ZNF177: variants seen among roughly 807,000 people sequenced by gnomAD.
ZNF177 encodes zinc finger protein 177.
ZNF177 carries 17 observed loss-of-function variants against 19.4 expected under a neutral mutation model. The ratio of observed to expected loss-of-function variants is 0.87; its 90% CI spans 0.60 to 1.31. The LOEUF (loss-of-function observed/expected upper bound fraction) is 1.31, where lower values mean the gene tolerates loss of function less well. ZNF177 is among the 40% of genes most tolerant of loss of function. The probability of loss-of-function intolerance (pLI) is 0.00; values close to 1 mark genes in which losing one functional copy is unlikely to be tolerated. For synonymous variants in ZNF177, 220 were observed against 188.7 expected (o/e 1.17, Z -1.36); for missense variants, 633 against 561.8 (o/e 1.13, Z -1.28).
At chr19:9,378,414 G>T in intron 2 of ZNF177, 70 bp downstream of exon 4, 1 of 1,597,130 alleles carries the variant, frequency 6.3e-7, no homozygotes, top group South Asian at 1.1e-5. Context: ...TCTTGCCCCT[G>T]ACCTGAAGCT....
At chr19:9,376,164 G>A (rs373528383), upstream of ZNF177, among the ~76,000 whole-genome samples, 1 of 151,940 alleles carries the variant, frequency 6.6e-6, no homozygotes, top group Non-Finnish European at 1.5e-5. Context: ...AAGGAGATAG[G>A]GTCTCTGTCA....
chr19:9,378,316 C>T (rs1438499152), exon 2 of ZNF177: 2 of 1,613,702 alleles, frequency 1.2e-6, no homozygotes, highest in Non-Finnish European at 8.5e-7. Context: ...GGAAGAATGG[C>T]TGCAGGGTGG....
At position 9,376,844 on chromosome 19, in the gene ZNF177, G is replaced by A. The variant is rs78082869; in HGVS notation, c.-54+421G>A. ...ACAGTATTAGGGTAATCTGGATTGA[G>A]TATATAATTACCTTTACCCCAGTGG... is the stretch of plus-strand genomic sequence containing the variant. On this transcript the variant is annotated intron_variant, in intron 1 of 5. Transcript: ENST00000589262. 5.6e-3 allele frequency among the ~76,000 whole-genome samples: 859 copies of A among 152,196 alleles called. 5 individuals are homozygous for A. The highest frequency in any genetic ancestry group is 0.01 in the Admixed American group (160 of 15,284).
intron 3 of ZNF177, chr19:9,379,303 C>CTCA: frequency 9.3e-7 from 1 of 1,076,726 alleles, no homozygotes; most frequent in Non-Finnish European, 1.3e-6. Context: ...CAATCTGTGT[C>CTCA]TCATCTTGTG....
chr19:9,378,829 G>T, intron 2 of ZNF177, 133 bp from the exon 5 acceptor site: 1 of 1,332,608 alleles, frequency 7.5e-7, no homozygotes, highest in Non-Finnish European at 9.9e-7. Context: ...ATTAAGAGAA[G>T]GCCTCTGATG....
chr19:9,370,904 AC>A lies in ZNF177; in HGVS notation c.-304-704del, dbSNP rs1401724187. Among the ~76,000 whole-genome samples, 10 of 152,200 alleles carry A rather than the reference AC, an allele frequency of 6.6e-5. No homozygotes were observed. In the East Asian group the frequency reaches 1.7e-3, roughly 26 times the overall value. ...TCCTTAACACCCAGCTTTGACAGTTACCAATATTTTGCACATCTTGCATCAT... is the reference window on the plus strand; with the variant it reads ...TCCTTAACACCCAGCTTTGACAGTTACAATATTTTGCACATCTTGCATCAT... On this transcript the variant is annotated intron_variant, in intron 2 of 8. Transcript: ENST00000343499.
intron 2 of ZNF177, among the ~76,000 whole-genome samples, chr19:9,369,219 A>G (rs2068017659): frequency 6.6e-6 from 1 of 151,994 alleles, no homozygotes; most frequent in African/African-American, 2.4e-5. Context: ...TTTTCATATG[A>G]TCTTTCTATT....
chr19:9,376,663 A>C (rs1266473334), intron 1 of ZNF177, among the ~76,000 whole-genome samples: 1 of 152,212 alleles, frequency 6.6e-6, no homozygotes, highest in Non-Finnish European at 1.5e-5. Flanking sequence ...TTGATTGCAT[A>C]CAAACAATTT....
intron 1 of ZNF177, among the ~76,000 whole-genome samples, chr19:9,377,393 AAAAC>A (rs149599368): frequency 1.3e-5 from 2 of 152,232 alleles, no homozygotes; most frequent in East Asian, 3.9e-4. Context: ...AGTTAACTCA[AAAAC>A]AAGCCTCAAG....
rs568677805 is a variant in ZNF177 at position 9,366,990 on chromosome 19, A to T, written c.-305+2042A>T. Among the ~76,000 whole-genome samples the T allele has an allele frequency of 4.5e-4, 68 of 152,350 alleles. No individual in the cohort carries two copies. In the South Asian group the frequency reaches 0.014, roughly 31 times the overall value. ...CCTTTTTATCTTTAGAAAAATGTAC[A>T]TTCAGATCATTTGCCCATCTTTGAA... On this transcript the variant is annotated intron_variant, in intron 2 of 8. Transcript: ENST00000343499.
chr19:9,374,662 T>A (rs1464142613), upstream of ZNF177, among the ~76,000 whole-genome samples: 1 of 151,772 alleles, frequency 6.6e-6, no homozygotes, highest in Non-Finnish European at 1.5e-5. Flanking sequence ...ATAGTTTTTT[T>A]TAGATAGTTT....
chr19:9,380,872 T>A (rs1303482708), exon 6 of ZNF177: 2 of 1,536,106 alleles, frequency 1.3e-6, no homozygotes, highest in Non-Finnish European at 1.7e-6. Flanking sequence ...ATTTACTGAT[T>A]GTAGAAAAGC....
Position 9,379,632 on chromosome 19 carries a change from C to A in ZNF177, c.253+13C>A, listed in dbSNP as rs746483849. 1 of 1,612,694 alleles carries A rather than the reference C, an allele frequency of 6.2e-7. No individual in the cohort carries two copies. On this transcript the variant is annotated intron_variant, in intron 4 of 5. Transcript: ENST00000589262. ...GGTGACTGTGCAGGTGAGCCTTGGGCAGAACAGGGTGCAGCCTTGGCCAGT... is the reference window on the plus strand; with the variant it reads ...GGTGACTGTGCAGGTGAGCCTTGGGAAGAACAGGGTGCAGCCTTGGCCAGT...
rs2122562902 is a variant in ZNF177 at position 9,380,702 on chromosome 19, G to GT, written c.372dup (p.Asn125Ter). ...CAACCTGGTGAGCACTCCCTGGAGT[G>GT]TAACCATTGTGGGAAATTCAGAAAG... On this transcript the variant is annotated frameshift_variant, in exon 6 of 6. Coordinates refer to ENST00000589262, the Ensembl canonical transcript of ZNF177. LOFTEE classifies it low-confidence loss of function (END_TRUNC). The GT allele has an allele frequency of 6.5e-7, 1 of 1,535,860 alleles. No individual in the cohort carries two copies. The highest frequency in any genetic ancestry group is 8.7e-7 in the Non-Finnish European group (1 of 1,146,806).
At position 9,370,415 on chromosome 19, in the gene ZNF177, T is replaced by G. The variant is rs192310850; in HGVS notation, c.-304-1195T>G. Among the ~76,000 whole-genome samples, 465 of 149,676 alleles carry G rather than the reference T, an allele frequency of 3.1e-3. 5 individuals are homozygous for G. Among genetic ancestry groups the G allele is most frequent in the African/African-American group, 0.011 (444 of 39,378 alleles). ...TATGTAAGTGGTTGGTTTGTTTTTT[T>G]TTTGTTTTTTTTTTAAGAGATGGGG... On this transcript the variant is annotated intron_variant, in intron 2 of 8. Transcript: ENST00000343499.
intron 1 of ZNF177, among the ~76,000 whole-genome samples, chr19:9,364,435 C>T (rs1040589367): frequency 1.3e-5 from 2 of 151,972 alleles, no homozygotes; most frequent in African/African-American, 2.4e-5. Flanking sequence ...ATTCCAGTAC[C>T]GAGAGCAATA....
At chr19:9,382,434 A>G (rs541765546), downstream of ZNF177, 17 of 398,690 alleles carry the variant, frequency 4.3e-5, no homozygotes, top group East Asian at 5.7e-4. Context: ...AAATGAAACA[A>G]CAGGGGAGAT....
chr19:9,381,391 T>C, exon 6 of ZNF177: 1 of 1,613,668 alleles, frequency 6.2e-7, no homozygotes, highest in Non-Finnish European at 8.5e-7. Context: ...TGTTCCTTCA[T>C]CCCTTCAGAA....
exon 6 of ZNF177, chr19:9,380,700 G>C: frequency 2.6e-6 from 4 of 1,535,940 alleles, no homozygotes; most frequent in South Asian, 1.2e-5. Context: ...ACTCCCTGGA[G>C]TGTAACCATT....
Sources: gnomAD v4.1 joint callset for allele counts (sites outside exome capture counted in the v4.1 genomes callset) on GRCh38, gnomAD v4.1.1 for gene constraint, MANE v1.5 for transcripts, NCBI Gene and HGNC (gene_info 2026-07-23, HGNC 2026-07-21) for gene names.